The following FSTL5 variants were observed in gnomAD, a reference collection of about 807,000 sequenced individuals.
FSTL5 encodes follistatin like 5.
FSTL5 carries 62 observed loss-of-function variants against 89.1 expected under a neutral mutation model. That is an observed-to-expected ratio of 0.70 (90% confidence interval 0.57 to 0.86). The LOEUF (loss-of-function observed/expected upper bound fraction) is 0.86. Among genes scored for constraint, FSTL5 ranks in the 40% least tolerant of loss-of-function variants. The probability of loss-of-function intolerance (pLI) is 0.00; values close to 1 mark genes in which losing one functional copy is unlikely to be tolerated. For synonymous variants in FSTL5, 383 were observed against 346.2 expected (o/e 1.11, Z -1.18); for missense variants, 1,057 against 1,001.6 (o/e 1.06, Z -0.75).
At chr4:162,002,962 G>C (rs928190542) in intron 3 of FSTL5, among the ~76,000 whole-genome samples, 2 of 152,010 alleles carry the variant, frequency 1.3e-5, no homozygotes, top group African/African-American at 4.8e-5. Context: ...GGCTAACACA[G>C]TGAAACCCCG....
At chr4:161,895,097 T>C (rs897236671) in intron 4 of FSTL5, among the ~76,000 whole-genome samples, 1 of 152,186 alleles carries the variant, frequency 6.6e-6, no homozygotes, top group Non-Finnish European at 1.5e-5. Flanking sequence ...ATAAGAAAAT[T>C]CAGAACTGAA....
rs542135081 is a variant in FSTL5, at chr4:161,416,851, A to G, written c.1842-30402T>C. ...CAGAGCGAGACTCCATCTCAAAAAA[A>G]AAAAAAAAAAGAAAGATTCTTCATG... On this transcript the variant is annotated intron_variant, in intron 15 of 15. Coordinates refer to ENST00000306100, the MANE Select transcript of FSTL5 (RefSeq NM_020116.5). 6.0e-5 allele frequency among the ~76,000 whole-genome samples: 9 copies of G among 149,732 alleles called. No individual in the cohort carries two copies. The East Asian group carries it at 1.5e-3, about 26-fold the overall frequency.
In FSTL5 at chr4:161,386,189, G is replaced by A; in HGVS notation, c.2102C>T (p.Pro701Leu). The change falls in exon 16 of 16, where the codon CCA becomes CTA. Residue 701 changes from proline to leucine, a missense_variant. Pro to Leu is a moderately conservative substitution (Grantham distance 98, BLOSUM62 -3). Transcript: ENST00000306100. ...AATGCTGACAAGGTAGTGGCCATCT[G>A]GAGAGACATATGGAGTGCCCGTCAC... is the stretch of plus-strand genomic sequence containing the variant. ...SDVTGTPYVS[P>L]DGHYLVSIND... 1 of 1,613,992 alleles carries A rather than the reference G, an allele frequency of 6.2e-7. No individual in the cohort carries two copies. The highest frequency in any genetic ancestry group is 8.5e-7 in the Non-Finnish European group (1 of 1,179,976).
Position 162,111,351 on chromosome 4 carries a change from G to T in FSTL5, c.46C>A (p.Leu16Met). 6.2e-7 allele frequency: 1 copy of T among 1,612,196 alleles called. No homozygotes were observed. The highest frequency in any genetic ancestry group is 8.5e-7 in the Non-Finnish European group (1 of 1,178,760). Residue 16 changes from leucine to methionine, a missense_variant, in exon 2 of 16, where the codon CTG (leucine) becomes ATG (methionine). Around this residue, in one of 3 missense-constraint regions of FSTL5, gnomAD observed 980 missense variants for 903.2 expected, o/e 1.08. Transcript: ENST00000306100. ...SVVLVLGFIFLESEGRPTKEG... is the reference protein window; with the variant it reads ...SVVLVLGFIFMESEGRPTKEG... Reference sequence around the variant, plus strand: ...TTGGTTGGCCTTCCTTCCGACTCCAGAAAAATGAATCCGAGAACCAAGACA... The same window carrying T: ...TTGGTTGGCCTTCCTTCCGACTCCATAAAAATGAATCCGAGAACCAAGACA...
chr4:161,762,368 G>A (rs542449134), intron 5 of FSTL5, among the ~76,000 whole-genome samples: 17 of 152,222 alleles, frequency 1.1e-4, no homozygotes, highest in South Asian at 6.2e-4. Context: ...GTAACCACTC[G>A]TTGGCACAAA....
At chr4:161,604,058 C>G (rs1268496875) in intron 7 of FSTL5, among the ~76,000 whole-genome samples, 6 of 152,058 alleles carry the variant, frequency 3.9e-5, no homozygotes, top group African/African-American at 1.4e-4. Flanking sequence ...AATCATAAAA[C>G]TAACCAACTC....
intron 9 of FSTL5, among the ~76,000 whole-genome samples, chr4:161,541,733 G>T (rs1003077294): frequency 3.3e-5 from 5 of 151,756 alleles, no homozygotes; most frequent in African/African-American, 1.2e-4. Flanking sequence ...ATAATATAAA[G>T]AAAATTAAAG....
chr4:161,471,275 AT>A (rs1733929213), intron 13 of FSTL5, among the ~76,000 whole-genome samples: 1 of 152,110 alleles, frequency 6.6e-6, no homozygotes, highest in African/African-American at 2.4e-5. Flanking sequence ...AGAGTGTTAA[AT>A]TTTATCACAT....
chr4:161,453,649 A>C (rs1733248804), intron 15 of FSTL5, among the ~76,000 whole-genome samples: 1 of 152,142 alleles, frequency 6.6e-6, no homozygotes, highest in Non-Finnish European at 1.5e-5. Context: ...AGGCTGGAGC[A>C]CAAGGTGTGA....
intron 12 of FSTL5, among the ~76,000 whole-genome samples, chr4:161,493,134 A>G (rs978869415): frequency 2.0e-5 from 3 of 151,914 alleles, no homozygotes; most frequent in African/African-American, 7.2e-5. Context: ...TAGTTAAATG[A>G]AAAGTTTTAG....
At chr4:161,727,605 C>T (rs777827318) in intron 6 of FSTL5, among the ~76,000 whole-genome samples, 1 of 152,174 alleles carries the variant, frequency 6.6e-6, no homozygotes, top group South Asian at 2.1e-4. Flanking sequence ...GTTCTAACCC[C>T]TGACCCTAAC....
At chr4:161,386,647 C>A in intron 15 of FSTL5, 198 bp from the exon 16 acceptor site, 2 of 549,898 alleles carry the variant, frequency 3.6e-6, no homozygotes, top group South Asian at 2.4e-5. Context: ...TTCATTACAT[C>A]CAAATCATCA....
At chr4:162,005,189 C>T (rs1578939586) in intron 3 of FSTL5, among the ~76,000 whole-genome samples, 1 of 152,096 alleles carries the variant, frequency 6.6e-6, no homozygotes, top group South Asian at 2.1e-4. Context: ...AAAAATTATT[C>T]CCAACTTCCA....
chr4:161,964,899 A>T (rs974724649), intron 3 of FSTL5, among the ~76,000 whole-genome samples: 1 of 152,012 alleles, frequency 6.6e-6, no homozygotes, highest in Non-Finnish European at 1.5e-5. Flanking sequence ...AAGTATAATA[A>T]TTTATTTATA....
At chr4:161,742,885 G>T (rs1267883692) in intron 6 of FSTL5, among the ~76,000 whole-genome samples, 1 of 151,900 alleles carries the variant, frequency 6.6e-6, no homozygotes, top group Non-Finnish European at 1.5e-5. Flanking sequence ...ATATATTGAT[G>T]TATCTTTAAA....
intron 3 of FSTL5, among the ~76,000 whole-genome samples, chr4:161,972,900 AT>A (rs1178167797): frequency 1.3e-5 from 2 of 152,162 alleles, no homozygotes; most frequent in Non-Finnish European, 2.9e-5. Flanking sequence ...ATTCACCACA[AT>A]TTACACACTT....
intron 5 of FSTL5, among the ~76,000 whole-genome samples, chr4:161,769,435 C>T (rs369067493): frequency 6.8e-4 from 104 of 152,040 alleles, no homozygotes; most frequent in African/African-American, 2.3e-3. Flanking sequence ...CAAAAGTCCT[C>T]AGCAAAATAC....
chr4:162,052,340 C>T (rs540733437), intron 2 of FSTL5, among the ~76,000 whole-genome samples: 1 of 151,552 alleles, frequency 6.6e-6, no homozygotes, highest in Non-Finnish European at 1.5e-5. Context: ...TTGATGGCCG[C>T]ACCCAAATGC....
At chr4:161,712,697 C>T (rs1002785111) in intron 6 of FSTL5, among the ~76,000 whole-genome samples, 16 of 151,924 alleles carry the variant, frequency 1.1e-4, no homozygotes, top group Admixed American at 2.6e-4. Context: ...TGGCTTGGTG[C>T]TGTCCTCACA....
Sources: allele counts gnomAD v4.1 joint callset (sites outside exome capture counted in the v4.1 genomes callset), GRCh38; gene constraint gnomAD v4.1.1; regional missense constraint gnomAD v4.1.1; transcripts MANE v1.5; gene names NCBI Gene and HGNC (gene_info 2026-07-23, HGNC 2026-07-21).